CHD2: variants seen among roughly 807,000 people sequenced by gnomAD.
CHD2 encodes chromodomain helicase DNA binding protein 2, also known as ATP-dependent chromatin remodeler CHD2.
CHD2 carries 28 observed loss-of-function variants against 243.9 expected under a neutral mutation model. The ratio of observed to expected loss-of-function variants is 0.11; its 90% CI spans 0.09 to 0.16. The LOEUF is 0.16. Among genes scored for constraint, CHD2 ranks in the 10% least tolerant of loss-of-function variants. CHD2 has a pLI of 1.00. For missense variants in CHD2, 1,386 were observed against 2,209.8 expected (o/e 0.63, Z 7.47); for synonymous variants, 775 against 779.0 (o/e 0.99, Z 0.09).
intron 7 of CHD2, 152 bp from the exon 8 acceptor site, chr15:92,941,670 T>G: frequency 1.4e-6 from 1 of 694,380 alleles, no homozygotes; most frequent in East Asian, 3.0e-5. Context: ...GAAAAAAAAG[T>G]AAGCTTTGAG....
At chr15:92,985,391 T>C (rs1261978489) in intron 25 of CHD2, 107 bp from the exon 26 acceptor site, 36 of 1,118,578 alleles carry the variant, frequency 3.2e-5, no homozygotes, top group Non-Finnish European at 3.9e-5. Context: ...TTGTCTGATA[T>C]GGTGAGAAGT....
chr15:92,901,052 G>T, intron 1 of CHD2, 115 bp from the exon 2 acceptor site: 1 of 595,408 alleles, frequency 1.7e-6, no homozygotes. Flanking sequence ...TTAGTTTTTT[G>T]GTGCTTACCG....
rs115880747 is a variant in CHD2, at chr15:92,916,565, T to G, written c.63-7756T>G. On this transcript the variant is annotated intron_variant, in intron 2 of 38. Coordinates refer to ENST00000394196, the MANE Select transcript of CHD2 (RefSeq NM_001271.4). ...ATTACAGGATTCATACACTTTTTTA[T>G]TTTTTTGAGTTGGAGTCTCACCCTG... is the stretch of plus-strand genomic sequence containing the variant. 7.7e-3 allele frequency among the ~76,000 whole-genome samples: 1,176 copies of G among 152,330 alleles called. 18 individuals are homozygous for G. Among genetic ancestry groups the G allele is most frequent in the African/African-American group, 0.027 (1,107 of 41,560 alleles).
chr15:92,985,154 A>G (rs918826881), intron 25 of CHD2, among the ~76,000 whole-genome samples: 4 of 152,238 alleles, frequency 2.6e-5, no homozygotes, highest in African/African-American at 9.6e-5. Flanking sequence ...TGTTATAGGT[A>G]CTATTGTCTT....
chr15:92,925,789 C>T lies in CHD2; in HGVS notation c.294+1237C>T, dbSNP rs182779654. Among the ~76,000 whole-genome samples the T allele has an allele frequency of 4.6e-5, 7 of 152,238 alleles. No individual in the cohort carries two copies. The East Asian group carries it at 7.7e-4, about 17-fold the overall frequency. On this transcript the variant is annotated intron_variant, in intron 3 of 38. Transcript: ENST00000394196. ...TTTAACTCCAAGGTGATGCTAAGGC[C>T]GTTACAGAATCTGTGGACTTTGGGT...
intron 2 of CHD2, among the ~76,000 whole-genome samples, chr15:92,915,892 T>C (rs1218527292): frequency 6.6e-6 from 1 of 152,176 alleles, no homozygotes; most frequent in Non-Finnish European, 1.5e-5. Context: ...GGGAAATTCC[T>C]TGTGGACAAA....
rs55738843 is a variant in CHD2, at chr15:92,999,083, CAAAAAAAAAAAA to C, written c.4008+485_4008+496del. ...TGGGCAACAGAGCGAGACTCCGTCT[CAAAAAAAAAAAA>C]AAAAAAAAAAAAAAAAAAAAAATTC... On this transcript the variant is annotated intron_variant, in intron 31 of 38. Coordinates refer to ENST00000394196, the MANE Select transcript of CHD2 (RefSeq NM_001271.4). Among the ~76,000 whole-genome samples, 78 of 65,526 alleles carry C rather than the reference CAAAAAAAAAAAA, an allele frequency of 1.2e-3. 1 individual carries two copies. Among genetic ancestry groups the C allele is most frequent in the African/African-American group, 3.0e-3 (45 of 14,936 alleles). The allele number at this position is 65,526 out of a possible 152,430, so 43.0% of individuals were successfully genotyped here.
At chr15:92,933,164 C>T (rs1246058483) in intron 5 of CHD2, among the ~76,000 whole-genome samples, 2 of 152,030 alleles carry the variant, frequency 1.3e-5, no homozygotes, top group African/African-American at 2.4e-5. Context: ...TTCAGTCTCC[C>T]CAGTAGCTGG....
At chr15:92,909,939 C>CGTGTGT (rs57621949) in intron 2 of CHD2, among the ~76,000 whole-genome samples, 4,455 of 149,200 alleles carry the variant, frequency 0.03, 101 homozygotes, top group East Asian at 0.077. Context: ...AAGGGTTTTA[C>CGTGTGT]GTGTGTGTGT....
intron 12 of CHD2, chr15:92,946,542 A>C: frequency 6.2e-6 from 1 of 160,096 alleles, no homozygotes; most frequent in Non-Finnish European, 1.4e-5. Flanking sequence ...GCTGGAGTGC[A>C]CTGGCACTAT....
At position 92,984,416 on chromosome 15, in the gene CHD2, A is replaced by G. The variant is rs1312097410; in HGVS notation, c.3153A>G (p.Gln1051=). The part of the protein sequence containing the change: ...KDWDEIIPEE[Q]RKKVEEEERQ... ...GGGATGAGATCATTCCAGAGGAACA[A>G]AGGAAAAAAGTAGAGGAGGAAGAGC... The change falls in exon 25 of 39, where the codon CAA becomes CAG. Residue 1051 remains glutamine (Q), a synonymous_variant. Transcript: ENST00000394196. 1 of 1,613,074 alleles carries G rather than the reference A, an allele frequency of 6.2e-7. No individual in the cohort carries two copies. Among genetic ancestry groups the G allele is most frequent in the South Asian group, 1.1e-5 (1 of 90,836 alleles).
intron 5 of CHD2, among the ~76,000 whole-genome samples, chr15:92,933,995 G>A (rs1464576337): frequency 6.6e-6 from 1 of 152,136 alleles, no homozygotes; most frequent in Admixed American, 6.6e-5. Flanking sequence ...GTTGATCATT[G>A]GAATTTTTTT....
At chr15:92,952,534 A>G (rs944914612) in intron 13 of CHD2, among the ~76,000 whole-genome samples, 14 of 152,222 alleles carry the variant, frequency 9.2e-5, no homozygotes, top group Non-Finnish European at 1.5e-5. Context: ...TGTGCAACGT[A>G]GATCCCTCAC....
chr15:92,969,816 T>TC, intron 17 of CHD2, among the ~76,000 whole-genome samples: 1 of 150,928 alleles, frequency 6.6e-6, no homozygotes, highest in East Asian at 1.9e-4. Context: ...GATTTTCTTT[T>TC]TTTTTTTTTT....
chr15:92,904,574 C>T, intron 2 of CHD2: 2 of 1,026,474 alleles, frequency 1.9e-6, no homozygotes, highest in East Asian at 9.0e-5. Context: ...GTCTTGTCCG[C>T]CCTTGCCTGT....
intron 26 of CHD2, 108 bp from the exon 27 acceptor site, chr15:92,991,368 A>G (rs943237952): frequency 2.4e-5 from 17 of 703,762 alleles, no homozygotes; most frequent in African/African-American, 7.4e-5. Flanking sequence ...AGTCCACTCT[A>G]TTTTTGACAA....
At chr15:93,011,334 G>C (rs1189319920) in intron 35 of CHD2, among the ~76,000 whole-genome samples, 1 of 152,220 alleles carries the variant, frequency 6.6e-6, no homozygotes, top group Non-Finnish European at 1.5e-5. Context: ...CAGGAAGGAA[G>C]GTCTTCTGAG....
chr15:92,979,038 TC>T, intron 21 of CHD2, 96 bp from the exon 22 acceptor site: 1 of 1,480,118 alleles, frequency 6.8e-7, no homozygotes, highest in Non-Finnish European at 9.1e-7. Context: ...GTTAAAATTT[TC>T]CCCTCTTGGG....
In CHD2 at chr15:92,900,517, A is replaced by T. The variant is rs1450366083; in HGVS notation, c.-379A>T. ...TTTTGGGAGAAAAGCAGCTTTTAGG[A>T]GCTTTCTTTTCGTGCCTTGTTGGAA... On this transcript the variant is annotated 5_prime_UTR_variant, in exon 1 of 39. Coordinates refer to ENST00000394196, the MANE Select transcript of CHD2 (RefSeq NM_001271.4). 5.0e-6 allele frequency: 2 copies of T among 398,326 alleles called. No homozygotes were observed. The highest frequency in any genetic ancestry group is 8.9e-6 in the Non-Finnish European group (2 of 225,974). 24.7% of individuals were successfully genotyped at this position (398,326 alleles called of 1,614,324 possible).
Sources: allele counts gnomAD v4.1 joint callset (sites outside exome capture counted in the v4.1 genomes callset), GRCh38; gene constraint gnomAD v4.1.1; transcripts MANE v1.5; gene names NCBI Gene and HGNC (gene_info 2026-07-23, HGNC 2026-07-21).